The following DLG1 variants were observed in gnomAD, a reference collection of about 807,000 sequenced individuals.
DLG1 encodes the protein disks large homolog 1.
In DLG1, 42 loss-of-function variants were observed where a neutral mutation model predicts 123.4. That is an observed-to-expected ratio of 0.34 (90% confidence interval 0.27 to 0.44). The LOEUF is 0.44. Ranked by LOEUF, DLG1 falls within the 20% of genes least tolerant of loss-of-function variation. The pLI is 1.00. For synonymous variants in DLG1, 317 were observed against 356.2 expected, an observed-to-expected ratio of 0.89 and a Z score of 1.24; for missense variants, 942 against 1,082.6, an observed-to-expected ratio of 0.87 and a Z score of 1.82.
intron 10 of DLG1, among the ~76,000 whole-genome samples, chr3:197,131,398 G>C (rs1291333395): frequency 3.3e-5 from 5 of 151,714 alleles, no homozygotes; most frequent in Non-Finnish European, 7.4e-5. Context: ...TAATACTCAA[G>C]TTGATTTTTT....
intron 5 of DLG1, among the ~76,000 whole-genome samples, chr3:197,169,445 G>A (rs1379763724): frequency 6.6e-6 from 1 of 152,052 alleles, no homozygotes; most frequent in Non-Finnish European, 1.5e-5. Flanking sequence ...ATGTAGAGTT[G>A]GTATATCTTG....
At chr3:197,094,954 G>A (rs935222907) in intron 14 of DLG1, among the ~76,000 whole-genome samples, 1 of 152,060 alleles carries the variant, frequency 6.6e-6, no homozygotes, top group Non-Finnish European at 1.5e-5. Flanking sequence ...GCATTTTGAA[G>A]TGTAGTTTGA....
At chr3:197,158,041 G>A (rs186718133) in intron 5 of DLG1, among the ~76,000 whole-genome samples, 64 of 152,232 alleles carry the variant, frequency 4.2e-4, no homozygotes, top group African/African-American at 1.4e-3. Context: ...TGTAATCTCT[G>A]ACAAGACATG....
chr3:197,221,502 G>A (rs1224943676), intron 4 of DLG1, among the ~76,000 whole-genome samples: 1 of 151,646 alleles, frequency 6.6e-6, no homozygotes, highest in Non-Finnish European at 1.5e-5. Context: ...TCCAGCCTGG[G>A]TGACAGAGTG....
intron 3 of DLG1, among the ~76,000 whole-genome samples, chr3:197,291,598 T>G (rs995555817): frequency 1.3e-5 from 2 of 152,222 alleles, no homozygotes; most frequent in Non-Finnish European, 2.9e-5. Flanking sequence ...TTTAGTATTC[T>G]TTATCAGATT....
At chr3:197,217,185 A>C (rs2150461959) in intron 4 of DLG1, among the ~76,000 whole-genome samples, 1 of 152,314 alleles carries the variant, frequency 6.6e-6, no homozygotes, top group South Asian at 2.1e-4. Flanking sequence ...CGTTTTTTAT[A>C]GTGATACACC....
upstream of DLG1, chr3:197,298,900 G>A (rs1314425417): frequency 7.4e-6 from 2 of 268,876 alleles, no homozygotes; most frequent in Non-Finnish European, 1.4e-5. Flanking sequence ...TTAATTCCGA[G>A]TATGGTATAC....
intron 4 of DLG1, among the ~76,000 whole-genome samples, chr3:197,231,264 A>G (rs1742850612): frequency 1.3e-5 from 2 of 152,242 alleles, no homozygotes; most frequent in South Asian, 2.1e-4. Flanking sequence ...GCAGGAATTA[A>G]GCAGTGACAT....
At position 197,081,079 on chromosome 3, in the gene DLG1, T is replaced by A; in HGVS notation, c.1877A>T (p.Lys626Ile). ...TTTATCTCTCGTTTTAGAATTGAAT[T>A]TCACTGTTTTTAATCGGGCTCGTTC... Reference protein sequence around the residue: ...KKERARLKTVKFNSKTRDKGQ... With the variant: ...KKERARLKTVIFNSKTRDKGQ... Residue 626 changes from lysine (K) to isoleucine (I), a missense_variant, in exon 17 of 25, where the codon AAA (lysine) becomes ATA (isoleucine). Coordinates refer to ENST00000667157, the MANE Select transcript of DLG1 (RefSeq NM_001366207.1). The A allele has an allele frequency of 6.2e-7, 1 of 1,613,406 alleles. No individual in the cohort carries two copies. Among genetic ancestry groups the A allele is most frequent in the Non-Finnish European group, 8.5e-7 (1 of 1,179,620 alleles).
intron 4 of DLG1, among the ~76,000 whole-genome samples, chr3:197,207,457 T>G (rs1047365427): frequency 6.6e-6 from 1 of 152,042 alleles, no homozygotes; most frequent in African/African-American, 2.4e-5. Context: ...ACTTTTATCT[T>G]TAACATAATC....
chr3:197,269,586 A>G (rs920190963), intron 4 of DLG1, among the ~76,000 whole-genome samples: 2 of 152,192 alleles, frequency 1.3e-5, no homozygotes, highest in South Asian at 4.1e-4. Flanking sequence ...GAAGTTCTGA[A>G]TTCTAATCAG....
chr3:197,281,022 CTTTTTTT>C (rs34918314), intron 4 of DLG1, among the ~76,000 whole-genome samples: 1 of 133,588 alleles, frequency 7.5e-6, no homozygotes, highest in Non-Finnish European at 1.6e-5. Context: ...TGTGGAGGCT[CTTTTTTT>C]TTTTTTTTTT....
At chr3:197,231,092 C>T (rs1207541567) in intron 4 of DLG1, among the ~76,000 whole-genome samples, 6 of 152,216 alleles carry the variant, frequency 3.9e-5, no homozygotes, top group South Asian at 2.1e-4. Context: ...CCAACAGAAG[C>T]GCCTAACAGT....
intron 4 of DLG1, among the ~76,000 whole-genome samples, chr3:197,263,508 T>C (rs1240143956): frequency 6.6e-6 from 1 of 152,182 alleles, no homozygotes; most frequent in Non-Finnish European, 1.5e-5. Flanking sequence ...CTCATGAGGC[T>C]GGGCATGGTA....
intron 4 of DLG1, among the ~76,000 whole-genome samples, chr3:197,231,704 AAAAAAACAAC>A (rs1286915903): frequency 1.5e-5 from 2 of 136,596 alleles, no homozygotes; most frequent in African/African-American, 4.9e-5. Flanking sequence ...TGTTAAAAAA[AAAAAAACAAC>A]AAAAAACAAA....
intron 5 of DLG1, 76 bp downstream of exon 5, chr3:197,194,349 T>A: frequency 1.0e-6 from 1 of 1,002,970 alleles, no homozygotes; most frequent in East Asian, 3.1e-5. Flanking sequence ...AAAGAATACT[T>A]CTCTCCGAGC....
rs142259223 is a variant in DLG1 at position 197,246,163 on chromosome 3, C to T, written c.318+36516G>A. On this transcript the variant is annotated intron_variant, in intron 4 of 24. Coordinates refer to ENST00000667157, the MANE Select transcript of DLG1 (RefSeq NM_001366207.1). ...GGCAGTCTTTCTGACTCGACTTCTG[C>T]GACAGCTTCCCCATCGACCACTGAA... Among the ~76,000 whole-genome samples, 62 of 152,264 alleles carry T rather than the reference C, an allele frequency of 4.1e-4. No individual in the cohort carries two copies. The South Asian group carries it at 6.4e-3, about 16-fold the overall frequency.
chr3:197,168,843 T>C (rs192722494), intron 5 of DLG1, among the ~76,000 whole-genome samples: 1 of 152,194 alleles, frequency 6.6e-6, no homozygotes, highest in Non-Finnish European at 1.5e-5. Flanking sequence ...ATGGAATCAT[T>C]AGCCTCTGAG....
At chr3:197,110,653 C>T (rs1309184771) in intron 13 of DLG1, among the ~76,000 whole-genome samples, 1 of 152,178 alleles carries the variant, frequency 6.6e-6, no homozygotes, top group Non-Finnish European at 1.5e-5. Context: ...CTCTTATCTA[C>T]GCTTGTCATT....
Sources: gnomAD v4.1 joint callset for allele counts (sites outside exome capture counted in the v4.1 genomes callset) on GRCh38, gnomAD v4.1.1 for gene constraint, MANE v1.5 for transcripts, NCBI Gene and HGNC (gene_info 2026-07-23, HGNC 2026-07-21) for gene names.